Variants in NRXN3 observed in about 807,000 individuals in gnomAD.
NRXN3 encodes neurexin III.
NRXN3 carries 32 observed loss-of-function variants against 137.6 expected under a neutral mutation model. The ratio of observed to expected loss-of-function variants is 0.23; its 90% CI spans 0.18 to 0.31. The LOEUF is 0.31. Ranked by LOEUF, NRXN3 falls within the 10% of genes least tolerant of loss-of-function variation. The pLI is 1.00. For missense variants in NRXN3, 1,574 were observed against 2,062.5 expected (o/e 0.76, Z 4.59); for synonymous variants, 798 against 784.5 (o/e 1.02, Z -0.29).
At chr14:79,582,954 T>C (rs2097730723) in intron 16 of NRXN3, among the ~76,000 whole-genome samples, 1 of 152,224 alleles carries the variant, frequency 6.6e-6, no homozygotes, top group South Asian at 2.1e-4. Context: ...AAGTTAGTCT[T>C]AGGTATCTTT....
chr14:78,685,340 A>G (rs1324022319), intron 6 of NRXN3, among the ~76,000 whole-genome samples: 1 of 151,882 alleles, frequency 6.6e-6, no homozygotes, highest in Non-Finnish European at 1.5e-5. Context: ...TCTACTCAAA[A>G]CCCTCCAGTG....
chr14:79,452,252 TG>T (rs2096185790), intron 15 of NRXN3, among the ~76,000 whole-genome samples: 1 of 152,216 alleles, frequency 6.6e-6, no homozygotes, highest in Non-Finnish European at 1.5e-5. Flanking sequence ...AATTTAAATA[TG>T]GCAGGTGCTT....
chr14:79,861,745 C>T lies in NRXN3; in HGVS notation c.4497C>T (p.Val1499=), dbSNP rs759802848. Residue 1499 remains valine (V), a synonymous_variant, in exon 21 of 21, where the codon GTC becomes GTT. Transcript: ENST00000335750. This position sits in a 1 kb window ranked among gnomAD's most constrained non-coding sequence, Gnocchi z 5.4. ...AGTCGAGCAGCACAACAGGGATGGT[C>T]GTCGGCATTGTGGCTGCTGCCGCCC... ...IRESSSTTGM[V]VGIVAAAALC... 5.5e-5 allele frequency: 89 copies of T among 1,613,950 alleles called. No individual in the cohort carries two copies. Among genetic ancestry groups the T allele is most frequent in the Non-Finnish European group, 4.6e-5 (54 of 1,180,028 alleles).
rs549860362 is a variant in NRXN3 at position 78,583,290 on chromosome 14, A to G, written c.758-61830A>G. On this transcript the variant is annotated intron_variant, in intron 4 of 20. Coordinates refer to ENST00000335750, the MANE Select transcript of NRXN3 (RefSeq NM_001330195.2). The stretch of plus-strand genomic sequence containing the variant: ...AATTTAGTGGACTTATTTGTCCACT[A>G]AAATATTAAATGTGAGGAGAGGGGA... 9.2e-5 allele frequency among the ~76,000 whole-genome samples: 14 copies of G among 152,254 alleles called. 1 individual carries two copies. The highest frequency in any genetic ancestry group is 1.6e-4 in the Non-Finnish European group (11 of 68,018).
chr14:79,129,144 AT>A (rs1192599406), intron 15 of NRXN3, among the ~76,000 whole-genome samples: 1 of 152,012 alleles, frequency 6.6e-6, no homozygotes, highest in Non-Finnish European at 1.5e-5. Flanking sequence ...GGATTCATTA[AT>A]TTTTTGGAGG....
In NRXN3 at chr14:78,237,221, A is replaced by G. The variant is rs980064969; in HGVS notation, c.-703-5170A>G. ...GCCATATGAGATGGAAGCTTCTGCT[A>G]GTTTGTCAGTGACAACAGTTTTTTA... On this transcript the variant is annotated intron_variant, in intron 1 of 20. Transcript: ENST00000335750. 3.3e-5 allele frequency among the ~76,000 whole-genome samples: 5 copies of G among 152,234 alleles called. No homozygotes were observed. The East Asian group carries it at 7.7e-4, about 23-fold the overall frequency.
intron 4 of NRXN3, among the ~76,000 whole-genome samples, chr14:78,534,398 C>T (rs1401756208): frequency 3.3e-5 from 5 of 152,172 alleles, no homozygotes. Flanking sequence ...TGAATTTTTG[C>T]ATGTGTAAAC....
chr14:78,757,836 G>A (rs987152728), intron 8 of NRXN3, among the ~76,000 whole-genome samples: 4 of 152,182 alleles, frequency 2.6e-5, no homozygotes, highest in Admixed American at 6.5e-5. Context: ...AAAATTGGGT[G>A]AAGGGCATAT....
chr14:78,881,119 C>T (rs930991666), intron 10 of NRXN3, among the ~76,000 whole-genome samples: 4 of 151,594 alleles, frequency 2.6e-5, no homozygotes, highest in African/African-American at 4.9e-5. Context: ...TCCCCTTCCA[C>T]CATGATTGTA....
intron 19 of NRXN3, among the ~76,000 whole-genome samples, chr14:79,738,944 G>A (rs1327694627): frequency 1.3e-5 from 2 of 152,150 alleles, no homozygotes; most frequent in African/African-American, 2.4e-5. Context: ...GCCAACTTAA[G>A]TAACAGCACC....
chr14:78,926,900 A>T (rs865832922), intron 10 of NRXN3, among the ~76,000 whole-genome samples: 3 of 24,146 alleles, frequency 1.2e-4, no homozygotes, highest in African/African-American at 8.5e-4. Context: ...ATATATATAT[A>T]ATATATATAA....
intron 4 of NRXN3, among the ~76,000 whole-genome samples, chr14:78,619,520 C>G (rs11845483): frequency 0.12 from 18,466 of 152,030 alleles, 1,864 homozygotes; most frequent in African/African-American, 0.28. Context: ...TTCCCATAAT[C>G]CCCATAATCC....
intron 15 of NRXN3, among the ~76,000 whole-genome samples, chr14:79,321,474 G>A (rs764933265): frequency 3.9e-5 from 6 of 152,068 alleles, no homozygotes; most frequent in Non-Finnish European, 8.8e-5. Flanking sequence ...TTGGATTTCA[G>A]TGAGCAGATT....
At chr14:78,955,686 G>T (rs1245117631) in intron 10 of NRXN3, among the ~76,000 whole-genome samples, 2 of 152,060 alleles carry the variant, frequency 1.3e-5, no homozygotes, top group Non-Finnish European at 2.9e-5. Context: ...GTAATTAAAA[G>T]AAAATTTTTC....
At chr14:79,246,494 C>T (rs911670102) in intron 15 of NRXN3, among the ~76,000 whole-genome samples, 1 of 152,136 alleles carries the variant, frequency 6.6e-6, no homozygotes, top group Non-Finnish European at 1.5e-5. Flanking sequence ...TGGAATCCAG[C>T]CTTGTCTTTA....
chr14:79,198,818 A>G (rs991669293), intron 15 of NRXN3, among the ~76,000 whole-genome samples: 1 of 152,208 alleles, frequency 6.6e-6, no homozygotes, highest in Non-Finnish European at 1.5e-5. Flanking sequence ...ATATTCCAAA[A>G]TGGGGATTGA....
chr14:79,196,115 T>G (rs962392788), intron 15 of NRXN3, among the ~76,000 whole-genome samples: 2 of 152,202 alleles, frequency 1.3e-5, no homozygotes, highest in African/African-American at 4.8e-5. Context: ...GAGGCAAAAG[T>G]GACTGCATCA....
intron 8 of NRXN3, among the ~76,000 whole-genome samples, chr14:78,739,797 G>A (rs577070066): frequency 6.6e-6 from 1 of 152,130 alleles, no homozygotes; most frequent in Non-Finnish European, 1.5e-5. Context: ...CCAATCACTG[G>A]AGGAAGGGAT....
At chr14:79,216,663 T>C (rs1021898887) in intron 15 of NRXN3, among the ~76,000 whole-genome samples, 5 of 152,304 alleles carry the variant, frequency 3.3e-5, no homozygotes, top group African/African-American at 9.6e-5. Flanking sequence ...GTTTGAAACA[T>C]TGTCTTTCTT....
Sources: gnomAD v4.1 joint callset for allele counts (sites outside exome capture counted in the v4.1 genomes callset) on GRCh38, gnomAD v4.1.1 for gene constraint, Gnocchi (gnomAD v3.1) non-coding constraint, MANE v1.5 for transcripts, NCBI Gene and HGNC (gene_info 2026-07-23, HGNC 2026-07-21) for gene names.